FGGY: variants seen among roughly 807,000 people sequenced by gnomAD.
FGGY encodes the protein FGGY carbohydrate kinase domain containing.
Under a neutral mutation model 71.3 loss-of-function variants are expected in FGGY, and 72 were observed. The ratio of observed to expected loss-of-function variants is 1.01; its 90% CI spans 0.84 to 1.23. The LOEUF (loss-of-function observed/expected upper bound fraction) is 1.23, where lower values mean the gene tolerates loss of function less well. FGGY is among the 50% of genes most tolerant of loss of function. The pLI, the probability that FGGY is intolerant of heterozygous loss-of-function variation, is 0.00. For missense variants in FGGY, 668 were observed against 682.3 expected (o/e 0.98, Z 0.23); for synonymous variants, 251 against 250.3 (o/e 1.00, Z -0.02).
At chr1:59,524,385 T>G (rs1228850229) in intron 7 of FGGY, among the ~76,000 whole-genome samples, 3 of 152,010 alleles carry the variant, frequency 2.0e-5, no homozygotes, top group Admixed American at 1.3e-4. Context: ...AAGGAGCGGG[T>G]CCCTGGCGAA....
chr1:59,490,296 A>C (rs2093788311), intron 6 of FGGY, among the ~76,000 whole-genome samples: 1 of 152,148 alleles, frequency 6.6e-6, no homozygotes, highest in East Asian at 1.9e-4. Flanking sequence ...GCAATCCTCC[A>C]GTGTCAGCCT....
At chr1:59,562,667 T>G (rs1414709507) in intron 8 of FGGY, among the ~76,000 whole-genome samples, 1 of 152,186 alleles carries the variant, frequency 6.6e-6, no homozygotes, top group African/African-American at 2.4e-5. Context: ...TAAAAAATAG[T>G]TCCATTATTT....
intron 8 of FGGY, among the ~76,000 whole-genome samples, chr1:59,599,514 G>A (rs1024592045): frequency 2.6e-5 from 4 of 151,714 alleles, no homozygotes; most frequent in African/African-American, 9.7e-5. Flanking sequence ...GCCAACACTG[G>A]TGAAACCCAT....
At chr1:59,682,523 G>C (rs2097510928) in intron 14 of FGGY, among the ~76,000 whole-genome samples, 1 of 152,194 alleles carries the variant, frequency 6.6e-6, no homozygotes, top group African/African-American at 2.4e-5. Flanking sequence ...TGGGCCTGTA[G>C]AGGCGAGGGA....
intron 9 of FGGY, among the ~76,000 whole-genome samples, chr1:59,619,060 C>T (rs1202163706): frequency 2.0e-5 from 3 of 152,124 alleles, no homozygotes; most frequent in Non-Finnish European, 4.4e-5. Flanking sequence ...CCCCTCTAAT[C>T]CCTTTGTTGC....
In FGGY at chr1:59,472,979, C is replaced by G. The variant is rs562613914; in HGVS notation, c.670+15903C>G. Among the ~76,000 whole-genome samples, 5 of 152,288 alleles carry G rather than the reference C, an allele frequency of 3.3e-5. No individual in the cohort carries two copies. The South Asian group carries it at 8.3e-4, about 25-fold the overall frequency. On this transcript the variant is annotated intron_variant, in intron 6 of 15. Coordinates refer to ENST00000303721, the MANE Select transcript of FGGY (RefSeq NM_018291.5). The stretch of plus-strand genomic sequence containing the variant: ...GCTCAGGGATTGTAAACGCACCAAT[C>G]AGCACTCTGTCAAAACAGACCACTC...
intron 8 of FGGY, among the ~76,000 whole-genome samples, chr1:59,605,626 T>A (rs1199891311): frequency 6.6e-6 from 1 of 152,244 alleles, no homozygotes; most frequent in Non-Finnish European, 1.5e-5. Flanking sequence ...AAAACTGTCC[T>A]TATTTGACAA....
At chr1:59,593,945 G>A (rs1188038887) in intron 8 of FGGY, among the ~76,000 whole-genome samples, 2 of 152,196 alleles carry the variant, frequency 1.3e-5, no homozygotes, top group Non-Finnish European at 2.9e-5. Flanking sequence ...GCTACTCTGT[G>A]TCAGAAACTA....
chr1:59,470,400 G>A (rs147278943), intron 6 of FGGY, among the ~76,000 whole-genome samples: 12 of 152,040 alleles, frequency 7.9e-5, no homozygotes, highest in Admixed American at 7.9e-4. Flanking sequence ...CTTCTGAAGG[G>A]GACATTCAAA....
intron 9 of FGGY, among the ~76,000 whole-genome samples, chr1:59,619,513 C>A (rs977910988): frequency 2.0e-5 from 3 of 151,896 alleles, no homozygotes; most frequent in Admixed American, 2.0e-4. Flanking sequence ...ATTTTGAAAC[C>A]TGGGGGAAGA....
At chr1:59,647,380 A>T (rs2097105310) in intron 11 of FGGY, among the ~76,000 whole-genome samples, 1 of 152,224 alleles carries the variant, frequency 6.6e-6, no homozygotes, top group Non-Finnish European at 1.5e-5. Flanking sequence ...TGTGGTGTAG[A>T]ATTCACCAAT....
At chr1:59,587,476 A>ACGGGCAGACTGCCTCCT (rs2096324619) in intron 8 of FGGY, among the ~76,000 whole-genome samples, 1 of 152,118 alleles carries the variant, frequency 6.6e-6, no homozygotes, top group South Asian at 2.1e-4. Flanking sequence ...AGATCTGAGA[A>ACGGGCAGACTGCCTCCT]CGGGCAGACT....
At chr1:59,473,664 G>C (rs370610988) in intron 6 of FGGY, among the ~76,000 whole-genome samples, 8 of 152,278 alleles carry the variant, frequency 5.3e-5, no homozygotes, top group African/African-American at 1.9e-4. Flanking sequence ...TAGAGTTTAT[G>C]GGGGGCTAGT....
chr1:59,637,308 C>T (rs2096970131), intron 10 of FGGY, among the ~76,000 whole-genome samples: 1 of 150,744 alleles, frequency 6.6e-6, no homozygotes, highest in South Asian at 2.1e-4. Flanking sequence ...TTGACTCCCT[C>T]ATTCTACACA....
At chr1:59,518,980 G>A (rs1391951168) in intron 7 of FGGY, among the ~76,000 whole-genome samples, 1 of 152,212 alleles carries the variant, frequency 6.6e-6, no homozygotes, top group Non-Finnish European at 1.5e-5. Context: ...ATTTTGCACA[G>A]CAAACAGCTG....
chr1:59,436,567 GAATAAATGAATA>G (rs1280030524), intron 5 of FGGY, among the ~76,000 whole-genome samples: 8 of 152,272 alleles, frequency 5.3e-5, no homozygotes, highest in Admixed American at 1.3e-4. Flanking sequence ...TCAAGGAAAT[GAATAAATGAATA>G]AATAAATGAA....
At chr1:59,749,308 G>A (rs575146516) in intron 14 of FGGY, among the ~76,000 whole-genome samples, 5 of 152,232 alleles carry the variant, frequency 3.3e-5, no homozygotes, top group South Asian at 2.1e-4. Context: ...TCCAATTTGC[G>A]GTCAGTTGGT....
At chr1:59,694,789 A>G (rs1426840565) in intron 14 of FGGY, among the ~76,000 whole-genome samples, 1 of 151,574 alleles carries the variant, frequency 6.6e-6, no homozygotes, top group Admixed American at 6.6e-5. Flanking sequence ...TTTTCCAGGT[A>G]GCTGGGACTA....
intron 14 of FGGY, among the ~76,000 whole-genome samples, chr1:59,702,962 C>T (rs1038134487): frequency 6.6e-6 from 1 of 152,134 alleles, no homozygotes; most frequent in Non-Finnish European, 1.5e-5. Context: ...CTATGTTGGA[C>T]ACACTGCTGC....
Sources: gnomAD v4.1 joint callset for allele counts (sites outside exome capture counted in the v4.1 genomes callset) on GRCh38, gnomAD v4.1.1 for gene constraint, MANE v1.5 for transcripts, NCBI Gene and HGNC (gene_info 2026-07-23, HGNC 2026-07-21) for gene names.